The following ITFG2 variants were observed in gnomAD, a reference collection of about 807,000 sequenced individuals.
ITFG2 encodes the protein integrin alpha FG-GAP repeat containing 2, also known as KICSTOR complex protein ITFG2.
Under a neutral mutation model 54.4 loss-of-function variants are expected in ITFG2, and 36 were observed. The observed-to-expected ratio is 0.66, with a 90% confidence interval of 0.51 to 0.87. The LOEUF (loss-of-function observed/expected upper bound fraction) is 0.87. Among genes scored for constraint, ITFG2 ranks in the 40% least tolerant of loss-of-function variants. ITFG2 has a pLI of 0.00. For missense variants in ITFG2, 524 were observed against 576.7 expected (o/e 0.91, Z 0.94); for synonymous variants, 211 against 225.4 (o/e 0.94, Z 0.57).
In ITFG2 at chr12:2,813,806, C is replaced by A. The variant is rs1031733396; in HGVS notation, c.96+950C>A. 3.3e-5 allele frequency among the ~76,000 whole-genome samples: 5 copies of A among 152,170 alleles called. 1 individual carries two copies. The highest frequency in any genetic ancestry group is 2.6e-4 in the Admixed American group (4 of 15,276). ...GTGATGCAGAAGGTATCTTATGAGG[C>A]CTTTTTTGGCTCTACCCTCTCTGGG... On this transcript the variant is annotated intron_variant, in intron 1 of 11. Coordinates refer to ENST00000228799, the MANE Select transcript of ITFG2 (RefSeq NM_018463.4).
chr12:2,828,097 C>T (rs780682175), downstream of ITFG2: 7 of 1,524,214 alleles, frequency 4.6e-6, no homozygotes, highest in Admixed American at 5.4e-5. Context: ...TAGAGGGTTC[C>T]ACCCCATTAA....
intron 2 of ITFG2, among the ~76,000 whole-genome samples, chr12:2,853,250 G>C (rs2153929238): frequency 6.6e-6 from 1 of 152,108 alleles, no homozygotes; most frequent in Non-Finnish European, 1.5e-5. Flanking sequence ...AAAGGAGACT[G>C]ATCTCTCAAA....
chr12:2,815,927 C>T (rs927782666), intron 1 of ITFG2, among the ~76,000 whole-genome samples: 3 of 152,106 alleles, frequency 2.0e-5, no homozygotes, highest in South Asian at 2.1e-4. Flanking sequence ...TGCAATGGCA[C>T]GATCATGGCT....
chr12:2,830,739 G>C, intron 2 of ITFG2: 1 of 1,613,552 alleles, frequency 6.2e-7, no homozygotes, highest in Non-Finnish European at 8.5e-7. Flanking sequence ...TGGAATCTCT[G>C]TCCTGCTGGT....
downstream of ITFG2, chr12:2,828,091 G>A (rs1488849361): frequency 7.1e-6 from 11 of 1,547,106 alleles, no homozygotes; most frequent in African/African-American, 1.4e-5. Flanking sequence ...AGCCCCTAGA[G>A]GGTTCCACCC....
chr12:2,859,184 AGAG>A, intron 3 of ITFG2: 2 of 1,610,414 alleles, frequency 1.2e-6, no homozygotes, highest in South Asian at 2.2e-5. Flanking sequence ...AGGCAGGGTC[AGAG>A]GAGTCTGCTG....
intron 2 of ITFG2, chr12:2,856,951 CT>C (rs1352303794): frequency 1.4e-6 from 1 of 703,010 alleles, no homozygotes; most frequent in East Asian, 2.7e-5. Context: ...GGGCCACCCC[CT>C]ACCTGCAGGA....
At chr12:2,854,770 A>G in intron 2 of ITFG2, 1 of 961,034 alleles carries the variant, frequency 1.0e-6, no homozygotes, top group Non-Finnish European at 1.5e-6. Flanking sequence ...CTCAGAAAAG[A>G]GTTTGGTTTT....
chr12:2,823,973 T>G, intron 11 of ITFG2, 30 bp downstream of exon 11: 2 of 1,611,532 alleles, frequency 1.2e-6, no homozygotes, highest in Non-Finnish European at 1.7e-6. Context: ...GTGGCCCGAG[T>G]GCCCAGGAGA....
At chr12:2,825,610 G>T (rs1234275359), downstream of ITFG2, 1 of 153,104 alleles carries the variant, frequency 6.5e-6, no homozygotes, top group Non-Finnish European at 1.5e-5. Context: ...AAGGGCAGGG[G>T]AGGCAGCTGA....
intron 2 of ITFG2, among the ~76,000 whole-genome samples, chr12:2,850,211 C>G (rs1396732444): frequency 6.6e-6 from 1 of 152,130 alleles, no homozygotes; most frequent in Non-Finnish European, 1.5e-5. Flanking sequence ...CCCAGTGGCT[C>G]ACACCTGTAA....
chr12:2,854,102 T>G (rs1207215996), intron 2 of ITFG2, among the ~76,000 whole-genome samples: 3 of 152,240 alleles, frequency 2.0e-5, no homozygotes, highest in African/African-American at 7.2e-5. Flanking sequence ...CTTGGCTCAC[T>G]GCAACCTCCG....
At chr12:2,818,029 C>A in intron 3 of ITFG2, 77 bp from the exon 4 acceptor site, 9 of 1,608,854 alleles carry the variant, frequency 5.6e-6, no homozygotes, top group Non-Finnish European at 7.7e-6. Context: ...CAGCTCTGAC[C>A]TCTGTGATCT....
chr12:2,840,238 C>A (rs868147994), intron 1 of ITFG2, among the ~76,000 whole-genome samples: 32 of 151,832 alleles, frequency 2.1e-4, no homozygotes, highest in Middle Eastern at 3.4e-3. Flanking sequence ...CACCTGAAGC[C>A]AGCAGTTCAA....
Position 2,812,746 on chromosome 12 carries a change from G to A in ITFG2, c.-15G>A, listed in dbSNP as rs958242276. The A allele has an allele frequency of 5.0e-6, 8 of 1,596,686 alleles. No individual in the cohort carries two copies. Among genetic ancestry groups the A allele is most frequent in the Non-Finnish European group, 6.9e-6 (8 of 1,165,374 alleles). The stretch of plus-strand genomic sequence containing the variant: ...TTTACTGGGCCTCTCCGCTCCCTCT[G>A]CTCTTGGAGGTGCCATGAGGTCAGT... On this transcript the variant is annotated 5_prime_UTR_variant, in exon 1 of 12. Transcript: ENST00000228799.
intron 2 of ITFG2, chr12:2,857,167 T>G (rs2098090081): frequency 1.5e-6 from 1 of 681,520 alleles, no homozygotes; most frequent in African/African-American, 1.8e-5. Flanking sequence ...TGGAGCCTCT[T>G]GTGACCCTTG....
exon 4 of ITFG2, chr12:2,859,691 C>CCAA: frequency 6.5e-7 from 1 of 1,545,930 alleles, no homozygotes; most frequent in African/African-American, 1.4e-5. Context: ...ATAAGGTGAA[C>CCAA]CAACGGTCAC....
chr12:2,821,518 C>T, intron 7 of ITFG2, 25 bp from the exon 8 acceptor site: 1 of 1,613,664 alleles, frequency 6.2e-7, no homozygotes, highest in Non-Finnish European at 8.5e-7. Flanking sequence ...CTGCCCTTTA[C>T]ATATTCTTCC....
Position 2,823,900 on chromosome 12 carries a change from G to C in ITFG2, c.1197G>C (p.Glu399Asp). Reference sequence around the variant, plus strand: ...CTACCAATCTGGTGAAACTGCTGGAGACCAAGCCGGAGTACCACAGCCTGC... The same window carrying C: ...CTACCAATCTGGTGAAACTGCTGGACACCAAGCCGGAGTACCACAGCCTGC... Reference protein sequence around the residue: ...MESTNLVKLLETKPEYHSLLQ... With the variant: ...MESTNLVKLLDTKPEYHSLLQ... The change falls in exon 11 of 12, where the codon GAG (glutamate) becomes GAC (aspartate). Residue 399 changes from glutamate (E) to aspartate (D), a missense_variant. By Grantham distance (45) the Glu-to-Asp change is conservative. Transcript: ENST00000228799. 1 of 1,613,578 alleles carries C rather than the reference G, an allele frequency of 6.2e-7. No individual in the cohort carries two copies. The highest frequency in any genetic ancestry group is 1.7e-5 in the Admixed American group (1 of 59,980).
Sources: gnomAD v4.1 joint callset for allele counts (sites outside exome capture counted in the v4.1 genomes callset) on GRCh38, gnomAD v4.1.1 for gene constraint, MANE v1.5 for transcripts, NCBI Gene and HGNC (gene_info 2026-07-23, HGNC 2026-07-21) for gene names.